LIPC: variants seen among roughly 807,000 people sequenced by gnomAD.
LIPC encodes the protein lipase C, hepatic type, also known as hepatic triacylglycerol lipase.
Under a neutral mutation model 50.7 loss-of-function variants are expected in LIPC, and 44 were observed. That is an observed-to-expected ratio of 0.87 (90% CI 0.68 to 1.11). The LOEUF (loss-of-function observed/expected upper bound fraction) is 1.11. LIPC is among the 50% of genes most tolerant of loss of function. The probability of loss-of-function intolerance (pLI) is 0.00; values close to 1 mark genes in which losing one functional copy is unlikely to be tolerated. For missense variants in LIPC, 697 were observed against 648.2 expected (o/e 1.08, Z -0.82); for synonymous variants, 271 against 256.4 (o/e 1.06, Z -0.54).
chr15:58,510,755 A>C (rs1486583819), intron 1 of LIPC, among the ~76,000 whole-genome samples: 1 of 152,254 alleles, frequency 6.6e-6, no homozygotes, highest in African/African-American at 2.4e-5. Context: ...ATGTTAAACA[A>C]TGGTATATCA....
At chr15:58,443,068 A>G (rs1893559848) in intron 1 of LIPC, among the ~76,000 whole-genome samples, 1 of 152,010 alleles carries the variant, frequency 6.6e-6, no homozygotes, top group African/African-American at 2.4e-5. Flanking sequence ...ATGCACCACC[A>G]TGTCCAGCTA....
In LIPC at chr15:58,538,469, C is replaced by T. The variant is rs146362585; in HGVS notation, c.225C>T (p.Cys75=). Residue 75 remains cysteine, a synonymous_variant, in exon 2 of 9, where the codon TGC becomes TGT. Coordinates refer to ENST00000299022, the MANE Select transcript of LIPC (RefSeq NM_000236.3). ...ATCATCCGGACACGTTACAGGAGTGCGGCTTCAACTCCTCCCTGCCTCTGG... is the reference window on the plus strand; with the variant it reads ...ATCATCCGGACACGTTACAGGAGTGTGGCTTCAACTCCTCCCTGCCTCTGG... The part of the protein sequence containing the change: ...RINHPDTLQE[C]GFNSSLPLVM... 25 of 1,614,144 alleles carry T rather than the reference C, an allele frequency of 1.5e-5. No homozygotes were observed. Among genetic ancestry groups the T allele is most frequent in the Middle Eastern group, 3.3e-4 (2 of 6,062 alleles).
At chr15:58,521,014 A>G (rs11071385) in intron 1 of LIPC, among the ~76,000 whole-genome samples, 105,332 of 152,104 alleles carry the variant, frequency 0.69, 40,139 homozygotes, top group East Asian at 0.97. Flanking sequence ...TCCAAAGAAT[A>G]TCCGGAACTT....
At chr15:58,470,943 C>T (rs1174272908) in intron 1 of LIPC, among the ~76,000 whole-genome samples, 1 of 151,916 alleles carries the variant, frequency 6.6e-6, no homozygotes, top group East Asian at 1.9e-4. Context: ...CTTCCTAATA[C>T]CTAACACCTC....
chr15:58,437,796 T>A (rs1444526831), intron 1 of LIPC, among the ~76,000 whole-genome samples: 1 of 152,230 alleles, frequency 6.6e-6, no homozygotes, highest in East Asian at 1.9e-4. Flanking sequence ...GAGTGCGTAC[T>A]ATTCTGGAAT....
At position 58,566,888 on chromosome 15, in the gene LIPC, C is replaced by T. The variant is rs114687875; in HGVS notation, c.1389-1828C>T. Among the ~76,000 whole-genome samples the T allele has an allele frequency of 6.9e-3, 1,050 of 152,230 alleles. 12 individuals carry two copies. Among genetic ancestry groups the T allele is most frequent in the African/African-American group, 0.024 (982 of 41,522 alleles). On this transcript the variant is annotated intron_variant, in intron 8 of 8. Coordinates refer to ENST00000299022, the MANE Select transcript of LIPC (RefSeq NM_000236.3). ...CAGAGTTAGTAAAGATGTGGAGAAA[C>T]GGGCATTCTCATACACTATTAGTGA...
Position 58,536,599 on chromosome 15 carries a change from G to A in LIPC, c.89-1734G>A, listed in dbSNP as rs1323426896. ...AGTGCAAGGTGACACCCCGGCTTCTGACTTAGACAGGAGGGCAGCCAGTGA... is the reference window on the plus strand; with the variant it reads ...AGTGCAAGGTGACACCCCGGCTTCTAACTTAGACAGGAGGGCAGCCAGTGA... On this transcript the variant is annotated intron_variant, in intron 1 of 8. Transcript: ENST00000299022. Among the ~76,000 whole-genome samples the A allele has an allele frequency of 2.6e-5, 4 of 152,158 alleles. No homozygotes were observed. The East Asian group carries it at 7.7e-4, about 29-fold the overall frequency.
At chr15:58,531,342 C>T (rs538469870) in intron 1 of LIPC, among the ~76,000 whole-genome samples, 9 of 152,244 alleles carry the variant, frequency 5.9e-5, no homozygotes, top group African/African-American at 9.6e-5. Flanking sequence ...CCTATGACCT[C>T]GGAAGGACTT....
intron 1 of LIPC, among the ~76,000 whole-genome samples, chr15:58,531,964 A>T (rs1892973940): frequency 2.0e-5 from 3 of 152,196 alleles, no homozygotes; most frequent in African/African-American, 7.2e-5. Flanking sequence ...ACTCCTTAGG[A>T]GTGAATTATA....
intron 1 of LIPC, among the ~76,000 whole-genome samples, chr15:58,471,713 G>C (rs527660599): frequency 6.6e-6 from 1 of 152,130 alleles, no homozygotes; most frequent in Non-Finnish European, 1.5e-5. Flanking sequence ...CCAAATGAAT[G>C]AATTGAGCCA....
intron 6 of LIPC, among the ~76,000 whole-genome samples, chr15:58,559,479 CA>C (rs1198534204): frequency 1.3e-5 from 2 of 152,188 alleles, no homozygotes; most frequent in Non-Finnish European, 2.9e-5. Context: ...CATCTTGCCC[CA>C]AGCCCGGACA....
At chr15:58,461,116 G>A (rs1388393369) in intron 1 of LIPC, among the ~76,000 whole-genome samples, 1 of 152,104 alleles carries the variant, frequency 6.6e-6, no homozygotes, top group Non-Finnish European at 1.5e-5. Flanking sequence ...CTGCTGGGAG[G>A]GAGACGTCAT....
At chr15:58,494,119 C>T (rs1157609882) in intron 1 of LIPC, among the ~76,000 whole-genome samples, 1 of 152,208 alleles carries the variant, frequency 6.6e-6, no homozygotes, top group African/African-American at 2.4e-5. Context: ...CCATGGGGGC[C>T]TCTCCCTAAA....
chr15:58,432,047 CCT>C lies in LIPC; in HGVS notation c.16_17del (p.Leu6ValfsTer34), dbSNP rs1219816687. ...GAAACGGAGAAATGGACACAAGTCC[CCT>C]GTGTTTCTCCATTCTGTTGGTTTTA... is the stretch of plus-strand genomic sequence containing the variant. Reference protein sequence around the residue: MDTSPLCFSILLVLCI... With the variant: MDTSPXCFSILLVLCI... On this transcript the variant is annotated frameshift_variant, in exon 1 of 9. Transcript: ENST00000299022. LOFTEE classifies it high-confidence loss of function. The C allele has an allele frequency of 6.2e-7, 1 of 1,613,568 alleles. No homozygotes were observed. The highest frequency in any genetic ancestry group is 1.3e-5 in the African/African-American group (1 of 74,888).
chr15:58,523,295 G>C (rs1046950433), intron 1 of LIPC: 2 of 152,344 alleles, frequency 1.3e-5, no homozygotes, highest in African/African-American at 2.4e-5. Flanking sequence ...CTCTGTGGGG[G>C]CCACCTTTCC....
chr15:58,521,758 T>G (rs566015703), intron 1 of LIPC: 1 of 152,598 alleles, frequency 6.6e-6, no homozygotes, highest in African/African-American at 2.4e-5. Flanking sequence ...AATGAGGAAG[T>G]TAGCAAAAGC....
At chr15:58,531,499 T>G (rs1179687944) in intron 1 of LIPC, among the ~76,000 whole-genome samples, 1 of 151,902 alleles carries the variant, frequency 6.6e-6, no homozygotes, top group Non-Finnish European at 1.5e-5. Context: ...TCAAGAGAAT[T>G]TAAGAGAAAA....
rs530884289 is a variant in LIPC at position 58,552,671 on chromosome 15, C to T, written c.1051+4099C>T. On this transcript the variant is annotated intron_variant, in intron 6 of 8. Transcript: ENST00000299022. ...GGCGAGATGACGAGCCAAGCTGTGA[C>T]TCGGGCAGTCGGTCTGTTTTTGGCT... is the stretch of plus-strand genomic sequence containing the variant. 9.2e-5 allele frequency among the ~76,000 whole-genome samples: 14 copies of T among 152,330 alleles called. No homozygotes were observed. In the East Asian group the frequency reaches 1.7e-3, roughly 19 times the overall value.
intron 6 of LIPC, among the ~76,000 whole-genome samples, chr15:58,559,702 C>CAA (rs1555407236): frequency 1.7e-4 from 2 of 11,458 alleles, no homozygotes; most frequent in Non-Finnish European, 5.1e-4. Flanking sequence ...GACCCTGTCT[C>CAA]AAAAAAAAAA....
Sources: allele counts gnomAD v4.1 joint callset (sites outside exome capture counted in the v4.1 genomes callset), GRCh38; gene constraint gnomAD v4.1.1; transcripts MANE v1.5; gene names NCBI Gene and HGNC (gene_info 2026-07-23, HGNC 2026-07-21).